The following TMEM101 variants were observed in gnomAD, a reference collection of about 807,000 sequenced individuals.
TMEM101 encodes transmembrane protein 101.
TMEM101 carries 14 observed loss-of-function variants against 26.0 expected under a neutral mutation model. The observed-to-expected ratio is 0.54, with a 90% CI of 0.36 to 0.84. TMEM101 has a LOEUF of 0.84. TMEM101 is among the 40% of genes least tolerant of loss of function. The probability of loss-of-function intolerance (pLI) is 0.01; values close to 1 mark genes in which losing one functional copy is unlikely to be tolerated. For synonymous variants in TMEM101, 152 were observed against 145.1 expected (o/e 1.05, Z -0.34); for missense variants, 292 against 345.1 (o/e 0.85, Z 1.22).
intron 2 of TMEM101, among the ~76,000 whole-genome samples, chr17:44,013,630 G>T (rs1294942391): frequency 6.6e-6 from 1 of 152,194 alleles, no homozygotes; most frequent in Non-Finnish European, 1.5e-5. Context: ...CTGCACTCCA[G>T]CCTGGGCGAC....
chr17:44,013,132 A>G lies in TMEM101; in HGVS notation c.342T>C (p.Val114=). The G allele has an allele frequency of 6.2e-7, 1 of 1,605,562 alleles. No individual in the cohort carries two copies. Among genetic ancestry groups the G allele is most frequent in the Non-Finnish European group, 8.5e-7 (1 of 1,173,980 alleles). ...WLKVRMYSRT[V]AIIGGFLVLA... ...ACACAAGAAAGCCGCCGATGATGGCAACTGTGCGCGAGTACATACGGACCT... is the reference window on the plus strand; with the variant it reads ...ACACAAGAAAGCCGCCGATGATGGCGACTGTGCGCGAGTACATACGGACCT... The change falls in exon 3 of 4, where the codon GTT becomes GTC. Residue 114 remains valine, a synonymous_variant. Transcript: ENST00000206380.
intron 2 of TMEM101, among the ~76,000 whole-genome samples, chr17:44,020,922 C>T (rs1046017134): frequency 1.3e-5 from 2 of 152,210 alleles, no homozygotes; most frequent in Non-Finnish European, 2.9e-5. Context: ...CAGCCTCAGA[C>T]ATGGTGATCC....
At chr17:44,015,555 G>A (rs2049222333), upstream of TMEM101, among the ~76,000 whole-genome samples, 2 of 151,960 alleles carry the variant, frequency 1.3e-5, no homozygotes, top group South Asian at 4.2e-4. Flanking sequence ...CACCACGCCC[G>A]GCTAATTTTT....
At chr17:44,016,897 G>A (rs999292555), upstream of TMEM101, among the ~76,000 whole-genome samples, 3 of 152,140 alleles carry the variant, frequency 2.0e-5, no homozygotes, top group African/African-American at 7.2e-5. Context: ...CACTTTAGGA[G>A]GCCGAGTCGG....
At position 44,014,426 on chromosome 17, in the gene TMEM101, T is replaced by A. The variant is rs1215942471; in HGVS notation, c.249A>T (p.Ala83=). 6.4e-7 allele frequency: 1 copy of A among 1,556,626 alleles called. No individual in the cohort carries two copies. The highest frequency in any genetic ancestry group is 8.7e-7 in the Non-Finnish European group (1 of 1,149,800). Residue 83 remains alanine, a synonymous_variant, in exon 2 of 4, where the codon GCA becomes GCT. Transcript: ENST00000206380. ...CGTAGGTGCTAATGGCCAATTGGAG[T>A]GCGGCCCCCAGCGCGAACCAGCGCC... is the stretch of plus-strand genomic sequence containing the variant. ...VKRRWFALGA[A]LQLAISTYAA... is the part of the protein sequence containing the mutation.
At chr17:44,021,551 C>T (rs1567949781) in intron 1 of TMEM101, 1 of 152,216 alleles carries the variant, frequency 6.6e-6, no homozygotes, top group Non-Finnish European at 1.5e-5. Context: ...TCTTTATTCC[C>T]AATTAACCAT....
intron 2 of TMEM101, among the ~76,000 whole-genome samples, chr17:44,020,740 C>T (rs1465107775): frequency 1.3e-5 from 2 of 152,106 alleles, no homozygotes; most frequent in Non-Finnish European, 2.9e-5. Context: ...AAAACAAAAC[C>T]AAGTGTTATC....
chr17:44,018,508 T>C (rs34197465), upstream of TMEM101, among the ~76,000 whole-genome samples: 23,316 of 152,238 alleles, frequency 0.15, 2,106 homozygotes, highest in Non-Finnish European at 0.2. Flanking sequence ...AAATTTCCTT[T>C]ACCACAATAT....
Position 44,014,863 on chromosome 17 carries a change from G to A in TMEM101, c.90C>T (p.Gly30=). The A allele has an allele frequency of 6.2e-7, 1 of 1,613,732 alleles. No individual in the cohort carries two copies. Among genetic ancestry groups the A allele is most frequent in the Non-Finnish European group, 8.5e-7 (1 of 1,179,764 alleles). The change falls in exon 1 of 4, where the codon GGC becomes GGT. Residue 30 remains glycine (G), a synonymous_variant. Coordinates refer to ENST00000206380, the MANE Select transcript of TMEM101 (RefSeq NM_032376.4). ...CGTACAGCATGAGCTGGCTGAAGCA[G>A]CCCCAAAAGGGGCAGCGTGTGAGCA... is the stretch of plus-strand genomic sequence containing the variant. The part of the protein sequence containing the change: ...SVLLTRCPFW[G]CFSQLMLYAE...
At chr17:44,013,899 T>A (rs2049193420) in intron 2 of TMEM101, among the ~76,000 whole-genome samples, 1 of 152,180 alleles carries the variant, frequency 6.6e-6, no homozygotes, top group African/African-American at 2.4e-5. Flanking sequence ...AGTGCCTTTG[T>A]CCAACCTTAT....
Position 44,011,685 on chromosome 17 carries a change from A to G in TMEM101, c.*243T>C. The G allele has an allele frequency of 1.9e-6, 1 of 518,276 alleles. No homozygotes were observed. The highest frequency in any genetic ancestry group is 3.4e-6 in the Non-Finnish European group (1 of 292,318). 32.1% of individuals were successfully genotyped at this position (518,276 alleles called of 1,614,324 possible). A position where few individuals can be genotyped will look rare whatever the true frequency, so the allele number is the denominator to read the frequency against. ...GGAGACTCAGTGGGCAGCTGGCCTCAGCTCTCCTAACAGGAAAAAAACCTG... is the reference window on the plus strand; with the variant it reads ...GGAGACTCAGTGGGCAGCTGGCCTCGGCTCTCCTAACAGGAAAAAAACCTG... On this transcript the variant is annotated 3_prime_UTR_variant, in exon 4 of 4. Coordinates refer to ENST00000206380, the MANE Select transcript of TMEM101 (RefSeq NM_032376.4).
upstream of TMEM101, among the ~76,000 whole-genome samples, chr17:44,017,939 C>A (rs1567948641): frequency 6.6e-6 from 1 of 151,880 alleles, no homozygotes; most frequent in Admixed American, 6.6e-5. Flanking sequence ...TCGAGACCAG[C>A]CTGGCCAACA....
At chr17:44,014,563 C>T (rs1013284745) in intron 1 of TMEM101, 26 bp from the exon 2 acceptor site, 2 of 1,568,044 alleles carry the variant, frequency 1.3e-6, no homozygotes, top group Non-Finnish European at 1.7e-6. Context: ...GGGGAAGCAA[C>T]GAGGACAGAA....
chr17:44,021,456 C>T (rs761949731), intron 1 of TMEM101: 2 of 152,180 alleles, frequency 1.3e-5, no homozygotes, highest in African/African-American at 2.4e-5. Flanking sequence ...AAAGCAGAGA[C>T]GCATGAGCAC....
At chr17:44,012,350 C>T (rs1326239152) in intron 3 of TMEM101, 114 bp from the exon 4 acceptor site, 2 of 1,003,530 alleles carry the variant, frequency 2.0e-6, no homozygotes, top group African/African-American at 3.3e-5. Context: ...TTCTGACTCC[C>T]CTCTTGGACT....
intron 1 of TMEM101, among the ~76,000 whole-genome samples, chr17:44,021,596 G>A (rs2049286380): frequency 6.6e-6 from 1 of 152,196 alleles, no homozygotes; most frequent in Non-Finnish European, 1.5e-5. Flanking sequence ...CTAGTAGTGA[G>A]ACCGTTTGCT....
chr17:44,014,291 C>T, intron 2 of TMEM101, 66 bp downstream of exon 2: 1 of 1,507,586 alleles, frequency 6.6e-7, no homozygotes, highest in East Asian at 2.5e-5. Context: ...CACCAACAGC[C>T]CTGGGCATTG....
chr17:44,017,859 G>A (rs1355137315), upstream of TMEM101, among the ~76,000 whole-genome samples: 1 of 152,162 alleles, frequency 6.6e-6, no homozygotes, highest in East Asian at 1.9e-4. Context: ...GGTCGGGCAT[G>A]GTGGCTCACA....
upstream of TMEM101, among the ~76,000 whole-genome samples, chr17:44,018,859 T>C (rs1336972948): frequency 2.6e-5 from 4 of 152,242 alleles, no homozygotes; most frequent in East Asian, 7.7e-4. Flanking sequence ...CTCTCTACCT[T>C]TTCCTGCTCT....
Sources: gnomAD v4.1 joint callset for allele counts (sites outside exome capture counted in the v4.1 genomes callset) on GRCh38, gnomAD v4.1.1 for gene constraint, MANE v1.5 for transcripts, NCBI Gene and HGNC (gene_info 2026-07-23, HGNC 2026-07-21) for gene names.